Variants in PKHD1 observed in about 807,000 individuals in gnomAD.
PKHD1 encodes fibrocystin.
In PKHD1, 291 loss-of-function variants were observed where a neutral mutation model predicts 412.0. That is an observed-to-expected ratio of 0.71 (90% CI 0.64 to 0.78). The LOEUF (loss-of-function observed/expected upper bound fraction) is 0.78, where lower values mean the gene tolerates loss of function less well. Among genes scored for constraint, PKHD1 ranks in the 30% least tolerant of loss-of-function variants. The pLI, the probability that PKHD1 is intolerant of heterozygous loss-of-function variation, is 0.00. For missense variants in PKHD1, 4,825 were observed against 4,950.7 expected (o/e 0.97, Z 0.76); for synonymous variants, 1,777 against 1,821.5 (o/e 0.98, Z 0.62).
intron 53 of PKHD1, among the ~76,000 whole-genome samples, chr6:51,782,354 C>A (rs982723641): frequency 1.1e-4 from 17 of 152,072 alleles, no homozygotes; most frequent in African/African-American, 3.9e-4. Flanking sequence ...ACAGATCTTT[C>A]TATTCTTAAT....
rs188903305 is a variant in PKHD1 at position 51,758,760 on chromosome 6, T to C, written c.8643-3822A>G. Among the ~76,000 whole-genome samples, 29 of 152,252 alleles carry C rather than the reference T, an allele frequency of 1.9e-4. 1 individual carries two copies. The highest frequency in any genetic ancestry group is 6.5e-4 in the African/African-American group (27 of 41,568). ...CAAAATATCAGTACAGTTTCTTTATTTTGGCATAACTTTTGACCTAGTTCA... is the reference window on the plus strand; with the variant it reads ...CAAAATATCAGTACAGTTTCTTTATCTTGGCATAACTTTTGACCTAGTTCA... On this transcript the variant is annotated intron_variant, in intron 55 of 66. Transcript: ENST00000371117.
chr6:51,993,549 TGTTTCCTA>T (rs1308413155), intron 35 of PKHD1, among the ~76,000 whole-genome samples: 4 of 152,224 alleles, frequency 2.6e-5, no homozygotes, highest in Admixed American at 6.5e-5. Flanking sequence ...ATCCCTCAGC[TGTTTCCTA>T]GTTAATAGAG....
At chr6:52,054,262 T>C (rs1581983058) in intron 19 of PKHD1, 97 bp from the exon 20 acceptor site, 25 of 1,203,494 alleles carry the variant, frequency 2.1e-5, no homozygotes, top group East Asian at 1.2e-4. Flanking sequence ...AACCCTGCCA[T>C]AGGCTCTGAG....
intron 35 of PKHD1, among the ~76,000 whole-genome samples, chr6:51,987,148 C>T (rs1796318636): frequency 6.6e-6 from 1 of 152,206 alleles, no homozygotes; most frequent in Non-Finnish European, 1.5e-5. Flanking sequence ...GTTGAGGGCA[C>T]AGCAGAATCT....
intron 60 of PKHD1, among the ~76,000 whole-genome samples, chr6:51,679,359 T>C (rs1281345017): frequency 2.0e-5 from 3 of 152,050 alleles, no homozygotes; most frequent in Non-Finnish European, 2.9e-5. Flanking sequence ...CAGCTTGTTT[T>C]GTTACCTAAA....
rs1298916708 is a variant in PKHD1, at chr6:51,807,469, A to ATG, written c.8303-16097_8303-16096insCA. Among the ~76,000 whole-genome samples, 563 of 113,256 alleles carry ATG rather than the reference A, an allele frequency of 5.0e-3. 10 individuals are homozygous for ATG. The highest frequency in any genetic ancestry group is 0.013 in the African/African-American group (330 of 25,344). The allele number at this position is 113,256 out of a possible 152,430, so 74.3% of individuals were successfully genotyped here. A position where few individuals can be genotyped will look rare whatever the true frequency, so the allele number is the denominator to read the frequency against. On this transcript the variant is annotated intron_variant, in intron 52 of 66. Transcript: ENST00000371117. ...AAAAAAAAAAAAAAAATATATATAT[A>ATG]TATATATATATGTATATGTGTGTGT...
Position 51,883,142 on chromosome 6 carries a change from GC to G in PKHD1, c.7300del (p.Ala2434GlnfsTer34). 1 of 1,612,174 alleles carries G rather than the reference GC, an allele frequency of 6.2e-7. No homozygotes were observed. The highest frequency in any genetic ancestry group is 8.5e-7 in the Non-Finnish European group (1 of 1,178,348). On this transcript the variant is annotated frameshift_variant, in exon 46 of 67. Coordinates refer to ENST00000371117, the MANE Select transcript of PKHD1 (RefSeq NM_138694.4). LOFTEE classifies it high-confidence loss of function. The part of the protein sequence containing the change: ...DFGIDVLESD[A>X]NTSVTDSLLL... ...TAAGCTGTCAGTAACTGAAGTATTTGCATCACTTTCCAAGACGTCAATTCCA... is the reference window on the plus strand; with the variant it reads ...TAAGCTGTCAGTAACTGAAGTATTTGATCACTTTCCAAGACGTCAATTCCA...
chr6:51,887,196 G>A lies in PKHD1; in HGVS notation c.7046C>T (p.Thr2349Ile). The A allele has an allele frequency of 1.2e-6, 2 of 1,613,430 alleles. No homozygotes were observed. Among genetic ancestry groups the A allele is most frequent in the Non-Finnish European group, 1.7e-6 (2 of 1,179,412 alleles). ...AGYGYFFHLM[T>I]NQTSQAPLLS... ...AAGCGGAGCTTGTGATGTTTGGTTG[G>A]TCATGAGATGGAAAAAGTAGCCATA... Residue 2349 changes from threonine to isoleucine, a missense_variant, in exon 44 of 67, where the codon ACC (threonine) becomes ATC (isoleucine). Thr to Ile is a moderately conservative substitution (Grantham distance 89). Transcript: ENST00000371117.
At chr6:52,073,147 C>T (rs16882063) in intron 7 of PKHD1, among the ~76,000 whole-genome samples, 1,705 of 152,260 alleles carry the variant, frequency 0.011, 27 homozygotes, top group African/African-American at 0.039. Context: ...TATAAAGAAT[C>T]TATTTCAGGC....
At chr6:51,964,056 C>CA (rs1013369687) in intron 35 of PKHD1, among the ~76,000 whole-genome samples, 71 of 152,054 alleles carry the variant, frequency 4.7e-4, no homozygotes, top group Non-Finnish European at 7.7e-4. Flanking sequence ...AAATAAACCC[C>CA]AAAAAAAGCA....
At chr6:51,868,948 C>T (rs936607685) in intron 47 of PKHD1, among the ~76,000 whole-genome samples, 1 of 151,924 alleles carries the variant, frequency 6.6e-6, no homozygotes, top group Non-Finnish European at 1.5e-5. Context: ...AGGAAGAAAA[C>T]TAAGTACACA....
intron 55 of PKHD1, among the ~76,000 whole-genome samples, chr6:51,766,155 T>G (rs535509524): frequency 6.6e-6 from 1 of 152,156 alleles, no homozygotes; most frequent in Non-Finnish European, 1.5e-5. Flanking sequence ...CATAAGCATT[T>G]GTGAAAATCA....
intron 60 of PKHD1, among the ~76,000 whole-genome samples, chr6:51,697,411 C>T (rs1015437966): frequency 7.9e-5 from 12 of 152,300 alleles, no homozygotes; most frequent in African/African-American, 2.6e-4. Context: ...TCTGCACCTA[C>T]CATGTTCAAA....
intron 43 of PKHD1, among the ~76,000 whole-genome samples, chr6:51,903,217 T>C (rs1006690854): frequency 6.6e-6 from 1 of 152,216 alleles, no homozygotes; most frequent in Admixed American, 6.5e-5. Flanking sequence ...TGCAAAATTA[T>C]AAATTATTTT....
intron 45 of PKHD1, 72 bp from the exon 46 acceptor site, chr6:51,883,299 AATT>A: frequency 7.5e-7 from 1 of 1,330,094 alleles, no homozygotes. Flanking sequence ...TAGCTTTTAA[AATT>A]ATTGATTAAG....
intron 55 of PKHD1, among the ~76,000 whole-genome samples, chr6:51,769,039 G>T (rs191950521): frequency 4.0e-5 from 6 of 151,566 alleles, no homozygotes; most frequent in South Asian, 4.2e-4. Context: ...AATTATCTTT[G>T]TTCACTTGAA....
chr6:52,026,639 T>C lies in PKHD1; in HGVS notation c.3629-458A>G, dbSNP rs919444969. Reference sequence around the variant, plus strand: ...ATTCATTGAAGTCTTCTATCATTTATATTGTTCTATATAATATTCCAATAT... The same window carrying C: ...ATTCATTGAAGTCTTCTATCATTTACATTGTTCTATATAATATTCCAATAT... On this transcript the variant is annotated intron_variant, in intron 31 of 66. Transcript: ENST00000371117. 4.6e-5 allele frequency among the ~76,000 whole-genome samples: 7 copies of C among 152,238 alleles called. No homozygotes were observed. In the East Asian group the frequency reaches 9.6e-4, roughly 21 times the overall value.
chr6:51,832,561 T>C (rs1768450297), intron 51 of PKHD1, among the ~76,000 whole-genome samples: 1 of 151,952 alleles, frequency 6.6e-6, no homozygotes, highest in Non-Finnish European at 1.5e-5. Flanking sequence ...GTTTGTGCCA[T>C]AGGGCATTCA....
At chr6:52,015,887 A>T (rs984698622) in intron 34 of PKHD1, among the ~76,000 whole-genome samples, 7 of 152,230 alleles carry the variant, frequency 4.6e-5, no homozygotes, top group Non-Finnish European at 8.8e-5. Context: ...AACATTGAGC[A>T]GCACTATTGA....
Sources: gnomAD v4.1 joint callset for allele counts (sites outside exome capture counted in the v4.1 genomes callset) on GRCh38, gnomAD v4.1.1 for gene constraint, MANE v1.5 for transcripts, NCBI Gene and HGNC (gene_info 2026-07-23, HGNC 2026-07-21) for gene names.